The following PDCD6IP variants were observed in gnomAD, a reference collection of about 807,000 sequenced individuals.
The protein encoded by PDCD6IP is programmed cell death 6-interacting protein.
PDCD6IP carries 43 observed loss-of-function variants against 103.7 expected under a neutral mutation model. That is an observed-to-expected ratio of 0.41 (90% CI 0.32 to 0.53). PDCD6IP has a LOEUF of 0.53. Among genes scored for constraint, PDCD6IP ranks in the 20% least tolerant of loss-of-function variants. The probability of loss-of-function intolerance (pLI) is 0.16; values close to 1 mark genes in which losing one functional copy is unlikely to be tolerated. For synonymous variants in PDCD6IP, 354 were observed against 378.7 expected, an observed-to-expected ratio of 0.93 and a Z score of 0.76; for missense variants, 871 against 1,036.7, an observed-to-expected ratio of 0.84 and a Z score of 2.20.
Position 33,841,912 on chromosome 3 carries a change from T to G in PDCD6IP, c.1197T>G (p.Leu399=), listed in dbSNP as rs1697483804. The G allele has an allele frequency of 1.3e-6, 2 of 1,573,704 alleles. No individual in the cohort carries two copies. The highest frequency in any genetic ancestry group is 1.4e-5 in the African/African-American group (1 of 73,596). Residue 399 remains leucine, a synonymous_variant, in exon 10 of 18, where the codon CTT becomes CTG. Coordinates refer to ENST00000307296, the MANE Select transcript of PDCD6IP (RefSeq NM_013374.6). ...TTLANGVLAS[L]NLPAAIEDVS... is the part of the protein sequence containing the mutation. ...ATTTTTTCAGGGTGCTAGCTTCCCTTAATCTTCCAGCAGCAATTGAAGATG... is the reference window on the plus strand; with the variant it reads ...ATTTTTTCAGGGTGCTAGCTTCCCTGAATCTTCCAGCAGCAATTGAAGATG...
chr3:33,865,305 T>A lies in PDCD6IP; in HGVS notation c.2307T>A (p.Pro769=), dbSNP rs1360243780. The part of the protein sequence containing the change: ...PPPVLPANRA[P]SATAPSPVGA... The stretch of plus-strand genomic sequence containing the variant: ...CTGTGCTTCCAGCAAATCGAGCTCC[T>A]TCTGCTACTGCTCCATCTCCAGTGG... Residue 769 remains proline, a synonymous_variant, in exon 17 of 18, where the codon CCT becomes CCA. Coordinates refer to ENST00000307296, the MANE Select transcript of PDCD6IP (RefSeq NM_013374.6). 1 of 1,593,970 alleles carries A rather than the reference T, an allele frequency of 6.3e-7. No homozygotes were observed. The highest frequency in any genetic ancestry group is 1.4e-5 in the African/African-American group (1 of 73,286).
chr3:33,805,371 T>A (rs556301564), intron 1 of PDCD6IP, among the ~76,000 whole-genome samples: 3,229 of 148,280 alleles, frequency 0.022, 54 homozygotes, highest in Non-Finnish European at 0.031. Flanking sequence ...AAAAAAAAAA[T>A]TTTTTTTTCC....
chr3:33,813,023 T>A (rs1696752742), intron 2 of PDCD6IP, among the ~76,000 whole-genome samples: 2 of 152,222 alleles, frequency 1.3e-5, no homozygotes, highest in South Asian at 2.1e-4. Context: ...GAGAGTTTTT[T>A]AATAAACATT....
intron 1 of PDCD6IP, among the ~76,000 whole-genome samples, chr3:33,808,856 T>A (rs1696655489): frequency 6.6e-6 from 1 of 152,182 alleles, no homozygotes; most frequent in Non-Finnish European, 1.5e-5. Context: ...TTCTTTGACT[T>A]CATCACTTAC....
chr3:33,801,543 A>G (rs1477672304), intron 1 of PDCD6IP, among the ~76,000 whole-genome samples: 1 of 152,344 alleles, frequency 6.6e-6, no homozygotes, highest in African/African-American at 2.4e-5. Context: ...GCATGCACTC[A>G]TAATTCCAGC....
chr3:33,812,138 A>C lies in PDCD6IP; in HGVS notation c.264+12A>C, dbSNP rs1220751821. 1 of 1,599,030 alleles carries C rather than the reference A, an allele frequency of 6.3e-7. No individual in the cohort carries two copies. The highest frequency in any genetic ancestry group is 1.1e-5 in the South Asian group (1 of 88,718). On this transcript the variant is annotated intron_variant, in intron 2 of 17. Transcript: ENST00000307296. The stretch of plus-strand genomic sequence containing the variant: ...TTTCTGAAAATCAGGTAAGTCATTA[A>C]TTCTGTCTTAAAATTATATGGTAAT...
rs773054810 is a variant in PDCD6IP at position 33,836,292 on chromosome 3, T to C, written c.1057+26T>C. The C allele has an allele frequency of 1.0e-5, 13 of 1,304,486 alleles. No homozygotes were observed. The East Asian group carries it at 2.8e-4, about 28-fold the overall frequency. 80.8% of individuals were successfully genotyped at this position (1,304,486 alleles called of 1,614,324 possible). A position where few individuals can be genotyped will look rare whatever the true frequency, so the allele number is the denominator to read the frequency against. The stretch of plus-strand genomic sequence containing the variant: ...GTATGTCAGTTATTCAGACACACTT[T>C]AATCTCATTTTTCTCTAGTTTACTC... On this transcript the variant is annotated intron_variant, in intron 8 of 17. Coordinates refer to ENST00000307296, the MANE Select transcript of PDCD6IP (RefSeq NM_013374.6).
intron 2 of PDCD6IP, among the ~76,000 whole-genome samples, chr3:33,812,870 T>C (rs1488727559): frequency 2.0e-5 from 3 of 152,174 alleles, no homozygotes; most frequent in African/African-American, 7.2e-5. Context: ...ATTCTCTTTA[T>C]TCTCTTTAGT....
At position 33,853,996 on chromosome 3, in the gene PDCD6IP, T is replaced by C. The variant is rs763340533; in HGVS notation, c.2008T>C (p.Leu670=). Residue 670 remains leucine, a synonymous_variant, in exon 14 of 18, where the codon TTG becomes CTG. Transcript: ENST00000307296. ...YDNFVELVAN[L]KEGTKFYNEL... is the part of the protein sequence containing the mutation. Reference sequence around the variant, plus strand: ...CAACTTTGTTGAACTTGTAGCTAATTTGAAGGAAGGCACAAAGGTATGAAG... The same window carrying C: ...CAACTTTGTTGAACTTGTAGCTAATCTGAAGGAAGGCACAAAGGTATGAAG... The C allele has an allele frequency of 6.3e-7, 1 of 1,584,044 alleles. No homozygotes were observed. Among genetic ancestry groups the C allele is most frequent in the Non-Finnish European group, 8.5e-7 (1 of 1,170,256 alleles).
At chr3:33,840,112 C>T (rs1424168590) in intron 9 of PDCD6IP, among the ~76,000 whole-genome samples, 1 of 151,266 alleles carries the variant, frequency 6.6e-6, no homozygotes, top group Non-Finnish European at 1.5e-5. Flanking sequence ...AACTTAACTA[C>T]TAATAGCCTG....
intron 1 of PDCD6IP, among the ~76,000 whole-genome samples, chr3:33,800,948 T>G (rs1696463697): frequency 6.6e-6 from 1 of 152,212 alleles, no homozygotes; most frequent in East Asian, 1.9e-4. Flanking sequence ...TCCTTTATTC[T>G]TTTTACCAGA....
chr3:33,814,144 CTT>C (rs79094226), intron 3 of PDCD6IP, among the ~76,000 whole-genome samples: 84 of 136,152 alleles, frequency 6.2e-4, no homozygotes, highest in Admixed American at 9.6e-4. Flanking sequence ...TCATTGGATT[CTT>C]TTTTTTTTTT....
At chr3:33,855,897 A>G (rs113153428) in intron 15 of PDCD6IP, among the ~76,000 whole-genome samples, 6,725 of 152,278 alleles carry the variant, frequency 0.044, 204 homozygotes, top group Middle Eastern at 0.085. Flanking sequence ...CAATCATTCT[A>G]AGGCCGGGGT....
intron 17 of PDCD6IP, among the ~76,000 whole-genome samples, chr3:33,865,781 A>T (rs1170126469): frequency 6.6e-6 from 1 of 152,206 alleles, no homozygotes; most frequent in Admixed American, 6.5e-5. Context: ...TTACGTCCCT[A>T]TACTTAGAAT....
At chr3:33,865,673 T>C (rs908966728) in intron 17 of PDCD6IP, among the ~76,000 whole-genome samples, 3 of 152,240 alleles carry the variant, frequency 2.0e-5, no homozygotes, top group African/African-American at 7.2e-5. Context: ...TAAATAATCT[T>C]TTCTGTATTA....
intron 7 of PDCD6IP, among the ~76,000 whole-genome samples, chr3:33,835,698 TCA>T (rs929329985): frequency 2.0e-5 from 3 of 151,742 alleles, no homozygotes; most frequent in Non-Finnish European, 4.4e-5. Flanking sequence ...AGCCTGGGCG[TCA>T]CAGAGTGAGA....
intron 2 of PDCD6IP, 91 bp downstream of exon 2, chr3:33,812,217 A>C: frequency 6.8e-7 from 1 of 1,468,286 alleles, no homozygotes; most frequent in Non-Finnish European, 9.0e-7. Context: ...TTTATGAGAT[A>C]GTGTTATAAA....
intron 3 of PDCD6IP, among the ~76,000 whole-genome samples, chr3:33,817,645 T>C (rs758267872): frequency 1.3e-5 from 2 of 151,844 alleles, no homozygotes; most frequent in South Asian, 2.1e-4. Flanking sequence ...CCTAGCTGTT[T>C]AGGGGGTTGA....
At chr3:33,820,476 G>C (rs1247245344) in intron 3 of PDCD6IP, among the ~76,000 whole-genome samples, 5 of 152,030 alleles carry the variant, frequency 3.3e-5, no homozygotes, top group Non-Finnish European at 7.4e-5. Flanking sequence ...CTAGTGTTGG[G>C]TGTATTTCAT....
Sources: allele counts gnomAD v4.1 joint callset (sites outside exome capture counted in the v4.1 genomes callset), GRCh38; gene constraint gnomAD v4.1.1; transcripts MANE v1.5; gene names NCBI Gene and HGNC (gene_info 2026-07-23, HGNC 2026-07-21).